The following FAR2 variants were observed in gnomAD, a reference collection of about 807,000 sequenced individuals.
FAR2 encodes the protein fatty acyl-CoA reductase 2, also known as epididymis secretory protein Li 81.
In FAR2, 19 loss-of-function variants were observed where a neutral mutation model predicts 56.0. That is an observed-to-expected ratio of 0.34 (90% CI 0.24 to 0.50). The LOEUF (loss-of-function observed/expected upper bound fraction) is 0.50. Among genes scored for constraint, FAR2 ranks in the 20% least tolerant of loss-of-function variants. FAR2 has a pLI of 0.98. For missense variants in FAR2, 508 were observed against 642.2 expected (o/e 0.79, Z 2.26); for synonymous variants, 219 against 218.8 (o/e 1.00, Z -0.01).
chr12:29,331,230 C>A, intron 10 of FAR2, among the ~76,000 whole-genome samples: 1 of 144,732 alleles, frequency 6.9e-6, no homozygotes. Context: ...TTTTTAATGT[C>A]CAGGGATGAA....
intron 1 of FAR2, among the ~76,000 whole-genome samples, chr12:29,233,351 C>T (rs750295197): frequency 1.2e-4 from 18 of 152,190 alleles, no homozygotes; most frequent in East Asian, 7.7e-4. Flanking sequence ...TTCTGTCTGC[C>T]CTGGTCATCT....
intron 1 of FAR2, among the ~76,000 whole-genome samples, chr12:29,205,848 T>A (rs563524638): frequency 5.9e-5 from 9 of 152,228 alleles, no homozygotes; most frequent in Admixed American, 3.9e-4. Context: ...TGCTTTTTTT[T>A]TTTAATTAGC....
intron 1 of FAR2, among the ~76,000 whole-genome samples, chr12:29,246,052 A>G (rs892800662): frequency 6.6e-6 from 1 of 151,438 alleles, no homozygotes; most frequent in Non-Finnish European, 1.5e-5. Flanking sequence ...TTATATAAGT[A>G]TAGCTAGGTA....
At chr12:29,196,172 C>A (rs1950142052) in intron 1 of FAR2, among the ~76,000 whole-genome samples, 2 of 152,046 alleles carry the variant, frequency 1.3e-5, no homozygotes, top group Non-Finnish European at 2.9e-5. Context: ...AGTGCAGGTG[C>A]CTTTTTTTAT....
Position 29,316,886 on chromosome 12 carries a change from C to A in FAR2, c.1001C>A (p.Pro334His). 6.2e-7 allele frequency: 1 copy of A among 1,614,074 alleles called. No individual in the cohort carries two copies. Among genetic ancestry groups the A allele is most frequent in the East Asian group, 2.2e-5 (1 of 44,872 alleles). The change falls in exon 9 of 12, where the codon CCT becomes CAT. Residue 334 changes from proline to histidine, a missense_variant. Transcript: ENST00000536681. ...TTTGAAAAAATCCCATTTGAGAGAC[C>A]TTTCAGGAGGCCAAATGCTAATTTT... ...ATFEKIPFER[P>H]FRRPNANFTS...
At chr12:29,193,504 G>C (rs755145774) in intron 1 of FAR2, among the ~76,000 whole-genome samples, 5 of 152,130 alleles carry the variant, frequency 3.3e-5, no homozygotes, top group East Asian at 1.9e-4. Context: ...ACAGTATGTA[G>C]CCTTTTCAGA....
chr12:29,225,767 T>C lies in FAR2; in HGVS notation c.-38-44645T>C, dbSNP rs1203260100. Reference sequence around the variant, plus strand: ...ACTGGAGCTGCCACAGCTTTGTTTATCACATTAGTGCACCTTCACAAAGCC... The same window carrying C: ...ACTGGAGCTGCCACAGCTTTGTTTACCACATTAGTGCACCTTCACAAAGCC... On this transcript the variant is annotated intron_variant, in intron 1 of 11. Transcript: ENST00000536681. Among the ~76,000 whole-genome samples the C allele has an allele frequency of 5.3e-5, 8 of 152,328 alleles. No individual in the cohort carries two copies. The East Asian group carries it at 1.3e-3, about 26-fold the overall frequency.
chr12:29,330,348 C>G (rs762615715), intron 10 of FAR2, among the ~76,000 whole-genome samples: 6 of 152,146 alleles, frequency 3.9e-5, no homozygotes, highest in African/African-American at 1.2e-4. Context: ...TGAGCCACCA[C>G]GCCTGGCCCA....
intron 1 of FAR2, among the ~76,000 whole-genome samples, chr12:29,199,983 C>G (rs538622693): frequency 6.6e-6 from 1 of 151,994 alleles, no homozygotes; most frequent in Non-Finnish European, 1.5e-5. Context: ...GAGTTTAAGG[C>G]TCAGGAGAGA....
At chr12:29,180,932 A>G (rs1949986202) in intron 1 of FAR2, among the ~76,000 whole-genome samples, 1 of 152,068 alleles carries the variant, frequency 6.6e-6, no homozygotes, top group South Asian at 2.1e-4. Flanking sequence ...ATCTTCTTAC[A>G]TTTTTGGTGT....
At chr12:29,330,349 G>A (rs533666149) in intron 10 of FAR2, among the ~76,000 whole-genome samples, 10 of 152,202 alleles carry the variant, frequency 6.6e-5, no homozygotes, top group South Asian at 2.1e-4. Context: ...GAGCCACCAC[G>A]CCTGGCCCAT....
chr12:29,188,295 G>T (rs1950063770), intron 1 of FAR2, among the ~76,000 whole-genome samples: 1 of 151,916 alleles, frequency 6.6e-6, no homozygotes, highest in African/African-American at 2.4e-5. Context: ...TTAGCTTCGG[G>T]TCTATCACCA....
intron 10 of FAR2, among the ~76,000 whole-genome samples, chr12:29,325,169 G>A (rs1458984408): frequency 6.6e-6 from 1 of 152,160 alleles, no homozygotes; most frequent in Non-Finnish European, 1.5e-5. Context: ...TTACATAATG[G>A]TAAAGGGATC....
At chr12:29,149,707 G>A (rs1487271406) in intron 1 of FAR2, among the ~76,000 whole-genome samples, 2 of 152,360 alleles carry the variant, frequency 1.3e-5, no homozygotes, top group Non-Finnish European at 1.5e-5. Flanking sequence ...GCAGAAAGCC[G>A]GGAAGGACCC....
At chr12:29,321,682 G>C (rs1949554239) in intron 9 of FAR2, 113 bp from the exon 10 acceptor site, 2 of 1,225,162 alleles carry the variant, frequency 1.6e-6, no homozygotes, top group Non-Finnish European at 1.1e-6. Flanking sequence ...TTAATGAGGA[G>C]TGGTAGACAG....
chr12:29,221,880 C>T (rs1378922078), intron 1 of FAR2, among the ~76,000 whole-genome samples: 4 of 152,152 alleles, frequency 2.6e-5, no homozygotes, highest in Non-Finnish European at 4.4e-5. Context: ...CGGAGTCTCG[C>T]TCTGTCACCC....
chr12:29,245,612 A>G (rs1241786265), intron 1 of FAR2, among the ~76,000 whole-genome samples: 1 of 152,188 alleles, frequency 6.6e-6, no homozygotes, highest in African/African-American at 2.4e-5. Flanking sequence ...TGGATCATTG[A>G]AATAGACTCC....
At chr12:29,252,482 C>T (rs1009573939) in intron 1 of FAR2, among the ~76,000 whole-genome samples, 2 of 152,202 alleles carry the variant, frequency 1.3e-5, no homozygotes, top group African/African-American at 4.8e-5. Flanking sequence ...ATGAATATTT[C>T]TTCCTTACTT....
chr12:29,269,394 T>A (rs561444182), intron 1 of FAR2, among the ~76,000 whole-genome samples: 9 of 152,314 alleles, frequency 5.9e-5, no homozygotes, highest in African/African-American at 1.9e-4. Flanking sequence ...CTGAACAATT[T>A]CTGTTATCCT....
Sources: allele counts gnomAD v4.1 joint callset (sites outside exome capture counted in the v4.1 genomes callset), GRCh38; gene constraint gnomAD v4.1.1; transcripts MANE v1.5; gene names NCBI Gene and HGNC (gene_info 2026-07-23, HGNC 2026-07-21).